The following MTA3 variants were observed in gnomAD, a reference collection of about 807,000 sequenced individuals.
The protein encoded by MTA3 is metastasis associated 1 family member 3, also known as metastasis-associated protein MTA3.
A neutral mutation model predicts 83.5 loss-of-function variants in MTA3; 34 were observed. The ratio of observed to expected loss-of-function variants is 0.41; its 90% confidence interval spans 0.31 to 0.54. MTA3 has a LOEUF of 0.54. Among genes scored for constraint, MTA3 ranks in the 20% least tolerant of loss-of-function variants. MTA3 has a pLI of 0.33. For missense variants in MTA3, 761 were observed against 726.4 expected (o/e 1.05, Z -0.55); for synonymous variants, 303 against 252.7 (o/e 1.20, Z -1.89).
chr2:42,754,797 A>T lies in MTA3; in HGVS notation c.*1398A>T. ...TTGACACCCTGGGAAGCACGAGGTA[A>T]CTTGGTAAGGATAATGATGCTGTAG... On this transcript the variant is annotated 3_prime_UTR_variant, in exon 17 of 17. Transcript: ENST00000405094. 2 of 985,532 alleles carry T rather than the reference A, an allele frequency of 2.0e-6. No homozygotes were observed. The highest frequency in any genetic ancestry group is 2.4e-6 in the Non-Finnish European group (2 of 829,980). 61.0% of individuals were successfully genotyped at this position (985,532 alleles called of 1,614,324 possible).
At chr2:42,747,086 C>CT (rs375276829) in intron 16 of MTA3, among the ~76,000 whole-genome samples, 2 of 152,038 alleles carry the variant, frequency 1.3e-5, no homozygotes, top group East Asian at 1.9e-4. Flanking sequence ...ACTGCAACCT[C>CT]TGTCTCCCGG....
intron 16 of MTA3, among the ~76,000 whole-genome samples, chr2:42,751,135 C>A (rs1669845221): frequency 6.6e-6 from 1 of 152,206 alleles, no homozygotes; most frequent in Non-Finnish European, 1.5e-5. Flanking sequence ...TCAGAAGCCA[C>A]CAGCTAGCTG....
chr2:42,543,920 G>T (rs904922248), intron 2 of MTA3, among the ~76,000 whole-genome samples: 3 of 151,500 alleles, frequency 2.0e-5, no homozygotes, highest in African/African-American at 4.9e-5. Flanking sequence ...CAAACTCTTG[G>T]GCTCAAGTGG....
intron 4 of MTA3, among the ~76,000 whole-genome samples, chr2:42,637,101 T>A (rs1315307037): frequency 6.6e-6 from 1 of 152,246 alleles, no homozygotes; most frequent in Non-Finnish European, 1.5e-5. Context: ...TTTGTCGTAA[T>A]TATTTATTCA....
intron 4 of MTA3, among the ~76,000 whole-genome samples, chr2:42,624,714 CCTATA>C (rs1176550704): frequency 2.6e-5 from 4 of 152,138 alleles, no homozygotes; most frequent in African/African-American, 9.7e-5. Context: ...TTTGTAACTT[CCTATA>C]CTATTCTGGT....
At chr2:42,733,887 A>G (rs1668414365) in intron 16 of MTA3, among the ~76,000 whole-genome samples, 1 of 152,248 alleles carries the variant, frequency 6.6e-6, no homozygotes, top group South Asian at 2.1e-4. Flanking sequence ...TACTGTGATC[A>G]GAAAAGATAC....
intron 9 of MTA3, among the ~76,000 whole-genome samples, chr2:42,689,562 CA>C (rs1203097913): frequency 6.6e-6 from 1 of 152,074 alleles, no homozygotes; most frequent in Non-Finnish European, 1.5e-5. Context: ...TTAATAGATA[CA>C]GGTCTTTTAT....
At chr2:42,752,668 A>G (rs1211841778) in intron 16 of MTA3, among the ~76,000 whole-genome samples, 1 of 152,090 alleles carries the variant, frequency 6.6e-6, no homozygotes, top group African/African-American at 2.4e-5. Flanking sequence ...TGCCCACATC[A>G]TTATGATTAA....
chr2:42,643,659 T>C (rs1413837794), intron 5 of MTA3, among the ~76,000 whole-genome samples: 1 of 152,238 alleles, frequency 6.6e-6, no homozygotes, highest in Non-Finnish European at 1.5e-5. Context: ...TGCAGTTTAA[T>C]GTGAGATATG....
At chr2:42,674,626 G>T (rs1331239967) in intron 8 of MTA3, among the ~76,000 whole-genome samples, 1 of 139,036 alleles carries the variant, frequency 7.2e-6, no homozygotes, top group African/African-American at 2.7e-5. Flanking sequence ...TTGAGACGGA[G>T]TCTCACTCCA....
chr2:42,620,655 G>C (rs1051503727), intron 4 of MTA3, among the ~76,000 whole-genome samples: 3 of 152,092 alleles, frequency 2.0e-5, no homozygotes, highest in African/African-American at 7.2e-5. Flanking sequence ...ACCATGCCTG[G>C]CTAGTTTTTA....
intron 4 of MTA3, among the ~76,000 whole-genome samples, chr2:42,610,075 G>A (rs907332529): frequency 2.0e-5 from 3 of 152,192 alleles, no homozygotes; most frequent in Non-Finnish European, 4.4e-5. Context: ...ACTCCAGCCT[G>A]GATGACAGAG....
At chr2:42,559,915 C>G (rs951959876) in intron 2 of MTA3, among the ~76,000 whole-genome samples, 2 of 151,594 alleles carry the variant, frequency 1.3e-5, no homozygotes, top group African/African-American at 4.8e-5. Flanking sequence ...AAAAAAAACT[C>G]CATTGGCCGT....
At chr2:42,621,133 T>TTG (rs1685490275) in intron 4 of MTA3, among the ~76,000 whole-genome samples, 1 of 268 alleles carries the variant, frequency 3.7e-3, no homozygotes, top group African/African-American at 0.014. Flanking sequence ...CTTATTAGAG[T>TTG]TTTTTTTTTT....
intron 2 of MTA3, among the ~76,000 whole-genome samples, chr2:42,549,603 T>C (rs1360746291): frequency 8.3e-6 from 1 of 119,932 alleles, no homozygotes; most frequent in South Asian, 2.2e-4. Context: ...TACATATACA[T>C]ATATAATATA....
At chr2:42,558,695 A>G (rs1318542998) in intron 2 of MTA3, among the ~76,000 whole-genome samples, 4 of 148,866 alleles carry the variant, frequency 2.7e-5, no homozygotes, top group Admixed American at 2.7e-4. Context: ...CTACATGCAC[A>G]CGCTGCCACG....
At chr2:42,568,578 CAT>C, upstream of MTA3, 1 of 186,440 alleles carries the variant, frequency 5.4e-6, no homozygotes, top group Non-Finnish European at 1.1e-5. Flanking sequence ...CTCGGCGTAC[CAT>C]CCCCTTTACT....
intron 4 of MTA3, among the ~76,000 whole-genome samples, chr2:42,629,932 C>G (rs1248613035): frequency 3.3e-5 from 5 of 152,034 alleles, no homozygotes; most frequent in Non-Finnish European, 7.4e-5. Context: ...CGGCCTGTCA[C>G]CACACCCGGC....
In MTA3 at chr2:42,672,176, A is replaced by G. The variant is rs141684292; in HGVS notation, c.703-10225A>G. ...TGGGGACATGGGGTCACTGTGACCT[A>G]TTGTCCCCTGTAGCTTTCTTGTGAT... On this transcript the variant is annotated intron_variant, in intron 8 of 16. Coordinates refer to ENST00000405094, the MANE Select transcript of MTA3 (RefSeq NM_001330442.2). 7.9e-5 allele frequency among the ~76,000 whole-genome samples: 12 copies of G among 152,152 alleles called. No homozygotes were observed. The East Asian group carries it at 2.3e-3, about 29-fold the overall frequency.
Sources: allele counts gnomAD v4.1 joint callset (sites outside exome capture counted in the v4.1 genomes callset), GRCh38; gene constraint gnomAD v4.1.1; transcripts MANE v1.5; gene names NCBI Gene and HGNC (gene_info 2026-07-23, HGNC 2026-07-21).